Variants in L3MBTL1 observed in about 807,000 individuals in gnomAD.
L3MBTL1 encodes lethal(3)malignant brain tumor-like protein 1.
L3MBTL1 carries 75 observed loss-of-function variants against 105.3 expected under a neutral mutation model. The ratio of observed to expected loss-of-function variants is 0.71; its 90% confidence interval spans 0.59 to 0.86. L3MBTL1 has a LOEUF of 0.86. Ranked by LOEUF, L3MBTL1 falls within the 40% of genes least tolerant of loss-of-function variation. The pLI is 0.00. For missense variants in L3MBTL1, 1,069 were observed against 1,126.4 expected, an observed-to-expected ratio of 0.95 and a Z score of 0.73; for synonymous variants, 452 against 436.2, an observed-to-expected ratio of 1.04 and a Z score of -0.45.
chr20:43,511,199 C>T (rs1049402728), intron 1 of L3MBTL1, among the ~76,000 whole-genome samples: 3 of 152,198 alleles, frequency 2.0e-5, no homozygotes, highest in African/African-American at 7.2e-5. Context: ...ATTACAGGCA[C>T]ATGGCACCAA....
rs533822399 is a variant in L3MBTL1 at position 43,550,016 on chromosome 20, C to G, written c.*1771C>G. On this transcript the variant is annotated 3_prime_UTR_variant, in exon 19 of 19. Transcript: ENST00000422861. ...TTCCCTCTCAACTGCTTAGAGGCAG[C>G]TTTGAGCACAGCCTTCCTGGAAGGA... The G allele has an allele frequency of 6.6e-5, 10 of 152,298 alleles. No homozygotes were observed. The East Asian group carries it at 1.9e-3, about 29-fold the overall frequency. The allele number at this position is 152,298 out of a possible 1,614,324, so 9.4% of individuals were successfully genotyped here. A position where few individuals can be genotyped will look rare whatever the true frequency, so the allele number is the denominator to read the frequency against.
At chr20:43,525,610 A>C (rs560647440) in intron 7 of L3MBTL1, among the ~76,000 whole-genome samples, 2 of 152,192 alleles carry the variant, frequency 1.3e-5, no homozygotes, top group Non-Finnish European at 2.9e-5. Flanking sequence ...CTAAGAGCTC[A>C]GCCCATTGTT....
At chr20:43,508,262 A>T (rs571006942) in intron 1 of L3MBTL1, among the ~76,000 whole-genome samples, 1 of 151,928 alleles carries the variant, frequency 6.6e-6, no homozygotes, top group South Asian at 2.1e-4. Flanking sequence ...TTTAAAAAGT[A>T]ACCGTTCTGC....
exon 19 of L3MBTL1, chr20:43,548,319 A>G (rs1434777719): frequency 8.2e-7 from 1 of 1,217,428 alleles, no homozygotes; most frequent in Non-Finnish European, 1.1e-6. Flanking sequence ...TCCTGACCTG[A>G]ATTCCTCATA....
Position 43,540,742 on chromosome 20 carries a change from T to C in L3MBTL1, c.2332-11T>C. ...TGTCCCCTGGTCAACATGTCATCTT[T>C]GGTTTCCAAGGTCTTCGGCTTTGTT... is the stretch of plus-strand genomic sequence containing the variant. On this transcript the variant is annotated splice_polypyrimidine_tract_variant and intron_variant, in intron 20 of 21. Transcript: ENST00000418998. 1 of 1,614,042 alleles carries C rather than the reference T, an allele frequency of 6.2e-7. No individual in the cohort carries two copies. The highest frequency in any genetic ancestry group is 1.7e-4 in the Middle Eastern group (1 of 6,000).
intron 19 of L3MBTL1, 145 bp downstream of exon 19, chr20:43,536,603 C>A: frequency 1.1e-6 from 1 of 930,768 alleles, no homozygotes; most frequent in Non-Finnish European, 1.7e-6. Flanking sequence ...ACTGAGAGCA[C>A]AGAGCAGTGG....
At position 43,513,983 on chromosome 20, in the gene L3MBTL1, G is replaced by T. The variant is rs1423136581; in HGVS notation, c.282G>T (p.Pro94=). Residue 94 remains proline (P), a synonymous_variant, in exon 3 of 22, where the codon CCG becomes CCT. Transcript: ENST00000418998. ...TCCTGCCGCAGCTTAGCGCCGGGCC[G>T]GCCAGCTCCAGCACCAGCACAGTGC... is the stretch of plus-strand genomic sequence containing the variant. ...ATVLPQLSAG[P]ASSSTSTVRL... is the part of the protein sequence containing the mutation. 8 of 1,545,836 alleles carry T rather than the reference G, an allele frequency of 5.2e-6. No individual in the cohort carries two copies. Among genetic ancestry groups the T allele is most frequent in the Non-Finnish European group, 7.0e-6 (8 of 1,146,896 alleles).
Position 43,522,457 on chromosome 20 carries a change from G to GTTTTTTTTTTTTTTTTTTTTTTTTT in L3MBTL1, c.863-6193_863-6169dup, listed in dbSNP as rs1176856356. On this transcript the variant is annotated intron_variant, in intron 7 of 21. Coordinates refer to ENST00000418998, the MANE Select transcript of L3MBTL1 (RefSeq NM_001377303.1). ...TGGTAACTGAATTTTTCCCTGCTAA[G>GTTTTTTTTTTTTTTTTTTTTTTTTT]TTTTTTTTTTTTTTTTTTTTTTTTT... Among the ~76,000 whole-genome samples the GTTTTTTTTTTTTTTTTTTTTTTTTT allele has an allele frequency of 7.3e-5, 7 of 95,890 alleles. 1 individual carries two copies. Among genetic ancestry groups the GTTTTTTTTTTTTTTTTTTTTTTTTT allele is most frequent in the South Asian group, 3.5e-4 (1 of 2,886 alleles). The allele number at this position is 95,890 out of a possible 152,430, so 62.9% of individuals were successfully genotyped here.
intron 1 of L3MBTL1, among the ~76,000 whole-genome samples, chr20:43,511,114 C>T (rs1283482533): frequency 1.3e-5 from 2 of 151,616 alleles, no homozygotes; most frequent in African/African-American, 2.4e-5. Flanking sequence ...GGGACGATCT[C>T]GGCTCACTGC....
Position 43,522,456 on chromosome 20 carries a change from A to ATTTTTTTTTTTTTTTTTTTTTT in L3MBTL1, c.863-6201_863-6200insTTTTTTTTTTTTTTTTTTTTTT, listed in dbSNP as rs778355165. ...ATGGTAACTGAATTTTTCCCTGCTAAGTTTTTTTTTTTTTTTTTTTTTTTT... is the reference window on the plus strand; with the variant it reads ...ATGGTAACTGAATTTTTCCCTGCTAATTTTTTTTTTTTTTTTTTTTTTGTTTTTTTTTTTTTTTTTTTTTTTT... On this transcript the variant is annotated intron_variant, in intron 7 of 21. Transcript: ENST00000418998. Among the ~76,000 whole-genome samples the ATTTTTTTTTTTTTTTTTTTTTT allele has an allele frequency of 2.4e-4, 22 of 89,872 alleles. 6 individuals carry two copies. The highest frequency in any genetic ancestry group is 1.9e-4 in the Non-Finnish European group (8 of 43,200). 59.0% of individuals were successfully genotyped at this position (89,872 alleles called of 152,430 possible).
At chr20:43,535,215 AC>A (rs2019546587) in intron 16 of L3MBTL1, among the ~76,000 whole-genome samples, 2 of 152,118 alleles carry the variant, frequency 1.3e-5, no homozygotes. Flanking sequence ...GTGGTCAGGC[AC>A]CCAGGGATTT....
chr20:43,550,949 T>C (rs1178735688), exon 19 of L3MBTL1: 1 of 152,230 alleles, frequency 6.6e-6, no homozygotes, highest in Non-Finnish European at 1.5e-5. Context: ...GAACAACTGA[T>C]ACGCAGCCAG....
At chr20:43,549,730 ATG>A (rs11469857) in exon 19 of L3MBTL1, 75,027 of 148,618 alleles carry the variant, frequency 0.5, 18,995 homozygotes, top group African/African-American at 0.62. Context: ...GTGTGTGTGC[ATG>A]TGTGTGTGTG....
chr20:43,532,671 C>A, intron 11 of L3MBTL1, 102 bp from the exon 12 acceptor site: 1 of 1,286,186 alleles, frequency 7.8e-7, no homozygotes, highest in Non-Finnish European at 1.1e-6. Context: ...CTGCCCACAC[C>A]CCAGGCTTTC....
intron 21 of L3MBTL1, 33 bp downstream of exon 21, chr20:43,540,848 C>G: frequency 6.2e-7 from 1 of 1,613,330 alleles, no homozygotes; most frequent in South Asian, 1.1e-5. Flanking sequence ...GAGACAGAGC[C>G]GGGGTCACTG....
At chr20:43,511,058 G>T (rs1342640412) in intron 1 of L3MBTL1, among the ~76,000 whole-genome samples, 1 of 151,548 alleles carries the variant, frequency 6.6e-6, no homozygotes, top group East Asian at 1.9e-4. Context: ...TTGGTTTTTG[G>T]TTTTTGAGAT....
intron 1 of L3MBTL1, among the ~76,000 whole-genome samples, chr20:43,509,205 C>G (rs567036309): frequency 6.6e-6 from 1 of 151,822 alleles, no homozygotes; most frequent in Non-Finnish European, 1.5e-5. Flanking sequence ...TTCTCTCTCT[C>G]TCCTTCCTTC....
At chr20:43,525,810 G>A (rs2019002000) in intron 7 of L3MBTL1, among the ~76,000 whole-genome samples, 1 of 152,154 alleles carries the variant, frequency 6.6e-6, no homozygotes, top group Non-Finnish European at 1.5e-5. Flanking sequence ...AGGACTCAAG[G>A]AGACCATGTA....
At chr20:43,516,285 A>G in intron 7 of L3MBTL1, 108 bp downstream of exon 7, 2 of 784,158 alleles carry the variant, frequency 2.6e-6, no homozygotes, top group Non-Finnish European at 4.4e-6. Flanking sequence ...GTACATGCAT[A>G]AATGAGCATG....
Sources: gnomAD v4.1 joint callset for allele counts (sites outside exome capture counted in the v4.1 genomes callset) on GRCh38, gnomAD v4.1.1 for gene constraint, MANE v1.5 for transcripts, NCBI Gene and HGNC (gene_info 2026-07-23, HGNC 2026-07-21) for gene names.